CROT: variants seen among roughly 807,000 people sequenced by gnomAD.
CROT encodes the protein carnitine O-octanoyltransferase.
A neutral mutation model predicts 89.2 loss-of-function variants in CROT; 84 were observed. The observed-to-expected ratio is 0.94, with a 90% CI of 0.79 to 1.13. CROT has a LOEUF of 1.13. Among genes scored for constraint, CROT ranks in the 50% most tolerant of loss-of-function variants. The probability of loss-of-function intolerance (pLI) is 0.00; values close to 1 mark genes in which losing one functional copy is unlikely to be tolerated. For synonymous variants in CROT, 212 were observed against 239.5 expected, an observed-to-expected ratio of 0.89 and a Z score of 1.06; for missense variants, 711 against 727.8, an observed-to-expected ratio of 0.98 and a Z score of 0.27.
At chr7:87,374,817 A>T (rs867049771) in intron 7 of CROT, among the ~76,000 whole-genome samples, 40 of 152,182 alleles carry the variant, frequency 2.6e-4, no homozygotes, top group Middle Eastern at 3.4e-3. Context: ...GTCAGAACTG[A>T]TGGCTACTAG....
At chr7:87,362,140 A>C (rs1806297640) in intron 6 of CROT, among the ~76,000 whole-genome samples, 1 of 152,172 alleles carries the variant, frequency 6.6e-6, no homozygotes, top group Non-Finnish European at 1.5e-5. Context: ...AAAATCCTGA[A>C]ACATGAAACA....
At chr7:87,389,731 C>A (rs1399313330) in intron 13 of CROT, among the ~76,000 whole-genome samples, 1 of 152,108 alleles carries the variant, frequency 6.6e-6, no homozygotes, top group South Asian at 2.1e-4. Context: ...TGTAATAAAC[C>A]TGCACATTCT....
intron 17 of CROT, among the ~76,000 whole-genome samples, chr7:87,395,597 A>G (rs1362794880): frequency 6.6e-6 from 1 of 152,246 alleles, no homozygotes; most frequent in Non-Finnish European, 1.5e-5. Flanking sequence ...TTGAAGGGAA[A>G]AGATAAACAT....
intron 4 of CROT, chr7:87,359,714 A>T: frequency 9.8e-7 from 1 of 1,019,010 alleles, no homozygotes; most frequent in South Asian, 4.1e-5. Context: ...GTGGCATAGA[A>T]ATATTTTCGT....
intron 2 of CROT, among the ~76,000 whole-genome samples, 180 bp downstream of exon 2, chr7:87,346,610 G>A (rs939673509): frequency 5.9e-5 from 9 of 152,138 alleles, no homozygotes; most frequent in Non-Finnish European, 1.2e-4. Flanking sequence ...AACTCTTCAA[G>A]AAAGAATCCA....
chr7:87,360,007 T>C (rs1806220739), intron 4 of CROT: 1 of 981,934 alleles, frequency 1.0e-6, no homozygotes. Context: ...TTTTTTTTGA[T>C]GAACCATTTA....
intron 7 of CROT, among the ~76,000 whole-genome samples, chr7:87,374,718 T>G (rs1377382466): frequency 6.6e-6 from 1 of 152,068 alleles, no homozygotes; most frequent in Non-Finnish European, 1.5e-5. Flanking sequence ...GAAATGTATT[T>G]CTTTATCAGT....
In CROT at chr7:87,399,442, T is replaced by C. The variant is rs922219086; in HGVS notation, c.*798T>C. The C allele has an allele frequency of 6.6e-6, 1 of 152,054 alleles. No homozygotes were observed. Among genetic ancestry groups the C allele is most frequent in the Admixed American group, 6.5e-5 (1 of 15,270 alleles). The allele number at this position is 152,054 out of a possible 1,614,324, so 9.4% of individuals were successfully genotyped here. On this transcript the variant is annotated 3_prime_UTR_variant, in exon 18 of 18. Coordinates refer to ENST00000331536, the MANE Select transcript of CROT (RefSeq NM_021151.4). ...AGTGAGCTGTGATGTGCCCTTATGC[T>C]ATAGCCTGGGCAAGAGCGTGAGACC... is the stretch of plus-strand genomic sequence containing the variant.
At chr7:87,350,414 T>C (rs938672776) in intron 3 of CROT, among the ~76,000 whole-genome samples, 2 of 152,170 alleles carry the variant, frequency 1.3e-5, no homozygotes, top group African/African-American at 4.8e-5. Flanking sequence ...CGCACCAGTA[T>C]GTTTTGCTAG....
chr7:87,356,179 C>A (rs1224905314), intron 3 of CROT, among the ~76,000 whole-genome samples: 1 of 152,088 alleles, frequency 6.6e-6, no homozygotes, highest in African/African-American at 2.4e-5. Context: ...TGGGGTTTCA[C>A]CATGTTGCCC....
intron 2 of CROT, among the ~76,000 whole-genome samples, chr7:87,346,725 G>C (rs902040796): frequency 1.3e-5 from 2 of 152,202 alleles, no homozygotes; most frequent in African/African-American, 4.8e-5. Flanking sequence ...AAGTGGCACA[G>C]AGGTAAACAG....
At chr7:87,381,132 C>T (rs1361613554) in intron 10 of CROT, among the ~76,000 whole-genome samples, 2 of 152,172 alleles carry the variant, frequency 1.3e-5, no homozygotes, top group African/African-American at 2.4e-5. Flanking sequence ...TACTACTTCC[C>T]TTCTTTCCCT....
intron 3 of CROT, among the ~76,000 whole-genome samples, chr7:87,358,855 C>G (rs1313652926): frequency 6.6e-6 from 1 of 152,112 alleles, no homozygotes; most frequent in Non-Finnish European, 1.5e-5. Flanking sequence ...TTCGAGTCAA[C>G]CATGTCCTTA....
intron 7 of CROT, among the ~76,000 whole-genome samples, chr7:87,370,444 A>G (rs1401116036): frequency 1.3e-5 from 2 of 152,302 alleles, no homozygotes; most frequent in South Asian, 2.1e-4. Flanking sequence ...TGGCCTCCCA[A>G]AGTGCTGGGA....
Position 87,381,961 on chromosome 7 carries a change from G to T in CROT, c.1030G>T (p.Glu344Ter). The T allele has an allele frequency of 6.2e-7, 1 of 1,610,850 alleles. No homozygotes were observed. Among genetic ancestry groups the T allele is most frequent in the South Asian group, 1.1e-5 (1 of 90,234 alleles). The change falls in exon 11 of 18, where the codon GAG (glutamate) becomes TAG (stop). Residue 344 changes from glutamate to a stop codon, truncating the protein, a stop_gained. Coordinates refer to ENST00000331536, the MANE Select transcript of CROT (RefSeq NM_021151.4). LOFTEE classifies it high-confidence loss of function. ...GGTGAACATCAGTTATTATGTGGAT[G>T]AGAAAATTTTTCAGAATGAAGGAAG... ...IMVNISYYVD[E>*]KIFQNEGRWK...
chr7:87,356,155 A>G (rs1035182735), intron 3 of CROT, among the ~76,000 whole-genome samples: 1 of 151,926 alleles, frequency 6.6e-6, no homozygotes, highest in Admixed American at 6.6e-5. Flanking sequence ...TAATTTTTGT[A>G]TCTTTTGTAG....
chr7:87,352,369 T>G (rs1419310523), intron 3 of CROT, among the ~76,000 whole-genome samples: 1 of 152,222 alleles, frequency 6.6e-6, no homozygotes, highest in Non-Finnish European at 1.5e-5. Context: ...CCAAGGGACT[T>G]AAACAAAAGA....
chr7:87,395,636 C>A (rs182312468), intron 17 of CROT, among the ~76,000 whole-genome samples: 3 of 152,260 alleles, frequency 2.0e-5, no homozygotes, highest in Admixed American at 2.0e-4. Flanking sequence ...AAGGCCTGGA[C>A]CAATGATAAC....
intron 13 of CROT, among the ~76,000 whole-genome samples, chr7:87,388,887 G>A (rs780472236): frequency 3.3e-5 from 5 of 151,778 alleles, no homozygotes; most frequent in Non-Finnish European, 5.9e-5. Context: ...CCTGACAAAG[G>A]GCTAATATCC....
Sources: gnomAD v4.1 joint callset for allele counts (sites outside exome capture counted in the v4.1 genomes callset) on GRCh38, gnomAD v4.1.1 for gene constraint, MANE v1.5 for transcripts, NCBI Gene and HGNC (gene_info 2026-07-23, HGNC 2026-07-21) for gene names.